FOXN3: variants seen among roughly 807,000 people sequenced by gnomAD.
The protein encoded by FOXN3 is forkhead box protein N3.
Under a neutral mutation model 38.4 loss-of-function variants are expected in FOXN3, and 7 were observed. The observed-to-expected ratio is 0.18, with a 90% CI of 0.10 to 0.34. The LOEUF (loss-of-function observed/expected upper bound fraction) is 0.34. FOXN3 is among the 10% of genes least tolerant of loss of function. The pLI, the probability that FOXN3 is intolerant of heterozygous loss-of-function variation, is 1.00. For synonymous variants in FOXN3, 230 were observed against 242.2 expected, an observed-to-expected ratio of 0.95 and a Z score of 0.47; for missense variants, 456 against 613.4, an observed-to-expected ratio of 0.74 and a Z score of 2.71.
intron 1 of FOXN3, among the ~76,000 whole-genome samples, chr14:89,471,360 G>T (rs963734971): frequency 1.3e-5 from 2 of 152,140 alleles, no homozygotes; most frequent in African/African-American, 2.4e-5. Context: ...CCAGCACTTT[G>T]GGAGGCCAAG....
At chr14:89,294,082 C>T (rs1886961595) in intron 3 of FOXN3, among the ~76,000 whole-genome samples, 1 of 152,174 alleles carries the variant, frequency 6.6e-6, no homozygotes, top group Non-Finnish European at 1.5e-5. Context: ...TGGGGCCCAC[C>T]CGTTCTTCCC....
intron 4 of FOXN3, among the ~76,000 whole-genome samples, chr14:89,199,796 T>C (rs1433867423): frequency 2.6e-5 from 4 of 151,798 alleles, no homozygotes; most frequent in Non-Finnish European, 5.9e-5. Flanking sequence ...CCCAGCTACT[T>C]GGGAGGCTGA....
At chr14:89,436,012 A>T (rs1199414196) in intron 1 of FOXN3, among the ~76,000 whole-genome samples, 2 of 147,948 alleles carry the variant, frequency 1.4e-5, no homozygotes, top group East Asian at 2.0e-4. Flanking sequence ...TTTCTTTATT[A>T]TTTTTTTTTT....
intron 2 of FOXN3, among the ~76,000 whole-genome samples, chr14:89,387,688 G>C (rs543641503): frequency 1.8e-4 from 27 of 152,222 alleles, no homozygotes; most frequent in Admixed American, 1.4e-3. Flanking sequence ...ATAAGATCAG[G>C]AGTAGATTCC....
intron 1 of FOXN3, among the ~76,000 whole-genome samples, chr14:89,566,266 C>T (rs1268800110): frequency 2.0e-5 from 3 of 151,974 alleles, no homozygotes; most frequent in Non-Finnish European, 4.4e-5. Flanking sequence ...CTTTTAAGAA[C>T]GGCTAATCAG....
chr14:89,213,621 T>C (rs1225890102), intron 4 of FOXN3, among the ~76,000 whole-genome samples: 3 of 152,230 alleles, frequency 2.0e-5, no homozygotes, highest in African/African-American at 7.2e-5. Context: ...ACAGCTGAAA[T>C]ATACAGATAA....
At chr14:89,325,351 A>T (rs1175938168) in intron 3 of FOXN3, among the ~76,000 whole-genome samples, 1 of 132,582 alleles carries the variant, frequency 7.5e-6, no homozygotes. Context: ...CACCACCACC[A>T]CCACCACCAC....
At position 89,264,423 on chromosome 14, in the gene FOXN3, G is replaced by A. The variant is rs190766873; in HGVS notation, c.745+16527C>T. 6.5e-3 allele frequency among the ~76,000 whole-genome samples: 990 copies of A among 152,154 alleles called. 6 individuals carry two copies. Among genetic ancestry groups the A allele is most frequent in the Non-Finnish European group, 0.011 (733 of 68,006 alleles). On this transcript the variant is annotated intron_variant, in intron 4 of 5. Coordinates refer to ENST00000557258, the MANE Select transcript of FOXN3 (RefSeq NM_005197.4). ...TCACTAACATGACAGAACAGCATGG[G>A]GAAATCACCCCCATGATTCAATTAT...
chr14:89,179,624 C>A (rs974698171), intron 5 of FOXN3, among the ~76,000 whole-genome samples: 4 of 152,150 alleles, frequency 2.6e-5, no homozygotes, highest in Non-Finnish European at 5.9e-5. Flanking sequence ...CCTCAGGACA[C>A]AAAGCACCCA....
intron 1 of FOXN3, among the ~76,000 whole-genome samples, chr14:89,490,926 C>T (rs1893558246): frequency 6.6e-6 from 1 of 152,164 alleles, no homozygotes; most frequent in South Asian, 2.1e-4. Flanking sequence ...ACGTCATGGC[C>T]CTTGTCTTTA....
intron 1 of FOXN3, among the ~76,000 whole-genome samples, chr14:89,445,901 T>C (rs1350841967): frequency 3.3e-5 from 5 of 150,154 alleles, no homozygotes; most frequent in African/African-American, 9.8e-5. Context: ...GGCAACATAA[T>C]GAGACGCTAT....
chr14:89,355,516 C>T (rs1238823531), intron 2 of FOXN3, among the ~76,000 whole-genome samples: 1 of 152,180 alleles, frequency 6.6e-6, no homozygotes, highest in Non-Finnish European at 1.5e-5. Context: ...GAAATACAGG[C>T]ATGAGCCACT....
rs944774842 is a variant in FOXN3 at position 89,436,664 on chromosome 14, A to G, written c.-14-24174T>C. On this transcript the variant is annotated intron_variant, in intron 1 of 6. Transcript: ENST00000345097. ...GCTGGCTTTTCGGTCACTTACAATCAAAACATCCAACAGATACCCATGGAG... is the reference window on the plus strand; with the variant it reads ...GCTGGCTTTTCGGTCACTTACAATCGAAACATCCAACAGATACCCATGGAG... 4.6e-5 allele frequency among the ~76,000 whole-genome samples: 7 copies of G among 152,348 alleles called. No individual in the cohort carries two copies. The East Asian group carries it at 1.2e-3, about 25-fold the overall frequency.
Position 89,301,123 on chromosome 14 carries a change from A to G in FOXN3, c.681-20109T>C, listed in dbSNP as rs1369555871. Among the ~76,000 whole-genome samples the G allele has an allele frequency of 3.3e-5, 5 of 152,128 alleles. No homozygotes were observed. The East Asian group carries it at 9.6e-4, about 29-fold the overall frequency. On this transcript the variant is annotated intron_variant, in intron 3 of 5. Transcript: ENST00000557258. ...CAGCCTCAGATGTTTATTTTTTATA[A>G]AACATTTTTCCTATGGTTTATTACA...
intron 3 of FOXN3, among the ~76,000 whole-genome samples, chr14:89,321,740 A>G (rs1887904112): frequency 6.6e-6 from 1 of 151,978 alleles, no homozygotes; most frequent in Non-Finnish European, 1.5e-5. Context: ...GTTTGTTTAG[A>G]GTACTTGACA....
chr14:89,461,154 G>A (rs1892839896), intron 1 of FOXN3, among the ~76,000 whole-genome samples: 1 of 151,756 alleles, frequency 6.6e-6, no homozygotes, highest in African/African-American at 2.4e-5. Context: ...CAACCAACAT[G>A]GTGAAACCCC....
intron 2 of FOXN3, among the ~76,000 whole-genome samples, chr14:89,377,051 A>AAAAAAAAAAAC (rs1890502014): frequency 7.4e-6 from 1 of 135,820 alleles, no homozygotes; most frequent in Non-Finnish European, 1.6e-5. Context: ...AAAAAAAAAA[A>AAAAAAAAAAAC]AAAGCTTGAG....
At chr14:89,421,393 C>T (rs988177929), upstream of FOXN3, among the ~76,000 whole-genome samples, 2 of 151,860 alleles carry the variant, frequency 1.3e-5, no homozygotes, top group African/African-American at 4.8e-5. Flanking sequence ...GGTGATCCGC[C>T]TGCCTCAGCC....
upstream of FOXN3, among the ~76,000 whole-genome samples, chr14:89,420,177 GC>G (rs1174548739): frequency 2.6e-5 from 4 of 152,336 alleles, no homozygotes; most frequent in Non-Finnish European, 5.9e-5. Context: ...AAGCCCTGAG[GC>G]CTTCTGACTT....
Sources: allele counts gnomAD v4.1 joint callset (sites outside exome capture counted in the v4.1 genomes callset), GRCh38; gene constraint gnomAD v4.1.1; transcripts MANE v1.5; gene names NCBI Gene and HGNC (gene_info 2026-07-23, HGNC 2026-07-21).